Variants in SLC71A2 observed in about 807,000 individuals in gnomAD.
SLC71A2 encodes hippocampus abundant transcript-like 1.
At chr9:94,404,851 G>A in the SLC71A2 span, among the ~76,000 whole-genome samples, 1 of 152,116 alleles carries the variant, frequency 6.6e-6, no homozygotes, top group Non-Finnish European at 1.5e-5. Context: ...GATGAAGTTT[G>A]ATTTTTATGT....
chr9:94,444,231 A>G, the SLC71A2 span, among the ~76,000 whole-genome samples: 3 of 152,216 alleles, frequency 2.0e-5, no homozygotes, highest in East Asian at 3.8e-4. Flanking sequence ...GACATTCCAC[A>G]TGCTTATAGG....
At chr9:94,424,229 TG>T in the SLC71A2 span, among the ~76,000 whole-genome samples, 1 of 149,638 alleles carries the variant, frequency 6.7e-6, no homozygotes, top group East Asian at 1.9e-4. Context: ...TATAGTAATA[TG>T]TTTTTTTTTG....
the SLC71A2 span, chr9:94,460,279 T>TTATATCC: frequency 2.0e-5 from 3 of 152,548 alleles, no homozygotes; most frequent in East Asian, 5.8e-4. Context: ...CGAGTGAAGT[T>TTATATCC]TATATCCAAG....
At chr9:94,438,655 G>A in the SLC71A2 span, 4 of 858,226 alleles carry the variant, frequency 4.7e-6, no homozygotes, top group South Asian at 5.3e-5. Flanking sequence ...TGATCTCTCT[G>A]GTAATACTGA....
At chr9:94,435,133 G>A in the SLC71A2 span, among the ~76,000 whole-genome samples, 5 of 152,092 alleles carry the variant, frequency 3.3e-5, no homozygotes, top group African/African-American at 9.7e-5. Context: ...CATATAAAGC[G>A]TGCCCTCTTT....
chr9:94,436,374 C>T, the SLC71A2 span, among the ~76,000 whole-genome samples: 12 of 152,124 alleles, frequency 7.9e-5, no homozygotes, highest in Non-Finnish European at 1.3e-4. Flanking sequence ...AGTAAGCCTA[C>T]GATTGCAAAA....
chr9:94,374,567 C>T, the SLC71A2 span: 2 of 152,646 alleles, frequency 1.3e-5, no homozygotes, highest in Non-Finnish European at 2.9e-5. Context: ...CCTGACGCCG[C>T]CGGTAACTGC....
the SLC71A2 span, among the ~76,000 whole-genome samples, chr9:94,426,398 C>A: frequency 6.6e-6 from 1 of 152,066 alleles, no homozygotes; most frequent in African/African-American, 2.4e-5. Flanking sequence ...TGGGAGGTTT[C>A]TTTCTGGGTT....
chr9:94,375,543 G>A, the SLC71A2 span, among the ~76,000 whole-genome samples: 1 of 152,098 alleles, frequency 6.6e-6, no homozygotes, highest in South Asian at 2.1e-4. Flanking sequence ...AACAGGCCTT[G>A]TCTGTGTCAG....
At chr9:94,448,733 A>G in the SLC71A2 span, among the ~76,000 whole-genome samples, 1 of 152,180 alleles carries the variant, frequency 6.6e-6, no homozygotes, top group Non-Finnish European at 1.5e-5. Flanking sequence ...CCTGGGTTCA[A>G]GAAATCCTTG....
At chr9:94,392,478 T>C in the SLC71A2 span, among the ~76,000 whole-genome samples, 1 of 151,042 alleles carries the variant, frequency 6.6e-6, no homozygotes, top group Non-Finnish European at 1.5e-5. Flanking sequence ...TGCAGTATAG[T>C]GGGAGTATTT....
At chr9:94,454,012 C>T in the SLC71A2 span, 1 of 1,614,166 alleles carries the variant, frequency 6.2e-7, no homozygotes, top group Admixed American at 1.7e-5. Context: ...TACTGTCCTC[C>T]TTGGCTTGGG....
At chr9:94,459,053 A>G in the SLC71A2 span, 2 of 1,177,238 alleles carry the variant, frequency 1.7e-6, no homozygotes, top group African/African-American at 3.1e-5. Context: ...GCTTATGAGA[A>G]TATGATTCAC....
the SLC71A2 span, among the ~76,000 whole-genome samples, chr9:94,392,047 G>A: frequency 6.6e-6 from 1 of 151,942 alleles, no homozygotes; most frequent in Non-Finnish European, 1.5e-5. Flanking sequence ...CCTGACGTGT[G>A]TTTTTGAGGC....
the SLC71A2 span, among the ~76,000 whole-genome samples, chr9:94,417,849 TCCCACCCCACCCCCCC>T: frequency 4.1e-4 from 21 of 51,630 alleles, no homozygotes; most frequent in Non-Finnish European, 7.0e-4. Flanking sequence ...ATAGGCAAGT[TCCCACCCCACCCCCCC>T]CCCCCCCCCC....
the SLC71A2 span, chr9:94,453,884 C>T: frequency 2.0e-6 from 2 of 1,024,100 alleles, no homozygotes; most frequent in East Asian, 4.7e-5. Flanking sequence ...AGGGAAGGGT[C>T]TTCACACACA....
chr9:94,374,681 G>C, the SLC71A2 span: 2 of 154,202 alleles, frequency 1.3e-5, no homozygotes, highest in Non-Finnish European at 1.4e-5. Flanking sequence ...CTCAGCCCTC[G>C]GCGCCGCCGC....
the SLC71A2 span, among the ~76,000 whole-genome samples, chr9:94,446,433 T>G: frequency 2.6e-5 from 4 of 152,344 alleles, no homozygotes; most frequent in Non-Finnish European, 5.9e-5. Flanking sequence ...GGAAACGCTC[T>G]GTACTGAATA....
the SLC71A2 span, among the ~76,000 whole-genome samples, chr9:94,405,133 T>C: frequency 1.3e-5 from 2 of 152,206 alleles, no homozygotes; most frequent in African/African-American, 2.4e-5. Context: ...GGTACCCTTG[T>C]TGCATATCAT....
Sources: gnomAD v4.1 joint callset for allele counts (sites outside exome capture counted in the v4.1 genomes callset) on GRCh38, gnomAD v4.1.1 for gene constraint, MANE v1.5 for transcripts, NCBI Gene and HGNC (gene_info 2026-07-23, HGNC 2026-07-21) for gene names.